The following FBXO16 variants were observed in gnomAD, a reference collection of about 807,000 sequenced individuals.
FBXO16 encodes the protein F-box only protein 16.
Under a neutral mutation model 41.0 loss-of-function variants are expected in FBXO16, and 31 were observed. That is an observed-to-expected ratio of 0.76 (90% CI 0.57 to 1.02). The LOEUF is 1.02. FBXO16 is among the 50% of genes least tolerant of loss of function. The pLI is 0.00. For synonymous variants in FBXO16, 133 were observed against 117.8 expected, an observed-to-expected ratio of 1.13 and a Z score of -0.84; for missense variants, 361 against 346.2, an observed-to-expected ratio of 1.04 and a Z score of -0.34.
At chr8:28,441,245 C>G (rs1383017861) in intron 7 of FBXO16, among the ~76,000 whole-genome samples, 2 of 152,158 alleles carry the variant, frequency 1.3e-5, no homozygotes, top group Non-Finnish European at 2.9e-5. Context: ...TCCTCCACCT[C>G]TTCCCTTCCA....
At chr8:28,469,833 G>A (rs1322519524) in intron 3 of FBXO16, among the ~76,000 whole-genome samples, 1 of 152,018 alleles carries the variant, frequency 6.6e-6, no homozygotes, top group African/African-American at 2.4e-5. Context: ...CCCAGGAGGC[G>A]GAGGTTGCAG....
intron 3 of FBXO16, among the ~76,000 whole-genome samples, chr8:28,469,466 G>A (rs1339641090): frequency 6.6e-6 from 1 of 152,124 alleles, no homozygotes; most frequent in Non-Finnish European, 1.5e-5. Context: ...GGATTAGCTG[G>A]GACTTGAGGC....
chr8:28,452,446 C>T lies in FBXO16; in HGVS notation c.538G>A (p.Asp180Asn), dbSNP rs773801245. ...GAATTGCTTGTAACTAGTTGAACGT[C>T]AGCGATTACAAATCCATCCTTTGGG... ...TPPKDGFVIA[D>N]VQLVTSNSPE... is the part of the protein sequence containing the mutation. The change falls in exon 6 of 9, where the codon GAC becomes AAC. Residue 180 changes from aspartate (D) to asparagine (N), a missense_variant. Transcript: ENST00000380254. 3.1e-6 allele frequency: 5 copies of T among 1,614,076 alleles called. No individual in the cohort carries two copies. In the South Asian group the frequency reaches 4.4e-5, roughly 14 times the overall value.
chr8:28,438,176 C>T (rs1282466144), intron 7 of FBXO16, among the ~76,000 whole-genome samples: 1 of 151,830 alleles, frequency 6.6e-6, no homozygotes, highest in African/African-American at 2.4e-5. Context: ...ATTAGCCAGG[C>T]GTGGTGGTAC....
chr8:28,462,098 C>T (rs1278408385), intron 4 of FBXO16, among the ~76,000 whole-genome samples: 1 of 151,862 alleles, frequency 6.6e-6, no homozygotes, highest in East Asian at 1.9e-4. Context: ...CGTCACCACA[C>T]CCACCTAATT....
chr8:28,453,889 C>T (rs548367305), intron 5 of FBXO16, among the ~76,000 whole-genome samples: 22 of 152,064 alleles, frequency 1.4e-4, no homozygotes, highest in Admixed American at 6.5e-4. Context: ...TCAGGCCAGG[C>T]GTGGTGGCTC....
chr8:28,449,680 A>G (rs890728925), intron 6 of FBXO16, among the ~76,000 whole-genome samples: 2 of 151,878 alleles, frequency 1.3e-5, no homozygotes, highest in African/African-American at 4.8e-5. Flanking sequence ...CCCAATAAAG[A>G]AGGGTGATAC....
In FBXO16 at chr8:28,432,701, T is replaced by C. The variant is rs559061717; in HGVS notation, c.844-3298A>G. 1.1e-4 allele frequency among the ~76,000 whole-genome samples: 16 copies of C among 152,274 alleles called. No individual in the cohort carries two copies. In the East Asian group the frequency reaches 3.1e-3, roughly 29 times the overall value. On this transcript the variant is annotated intron_variant, in intron 7 of 8. Coordinates refer to ENST00000380254, the MANE Select transcript of FBXO16 (RefSeq NM_172366.4). ...CTGCAGCTGTCTGCTTTCTGGTAGGTGGACGTTGCCAATGGCCATGCCGTC... is the reference window on the plus strand; with the variant it reads ...CTGCAGCTGTCTGCTTTCTGGTAGGCGGACGTTGCCAATGGCCATGCCGTC...
intron 7 of FBXO16, among the ~76,000 whole-genome samples, chr8:28,444,481 CTTTT>C: frequency 9.4e-6 from 1 of 106,764 alleles, no homozygotes; most frequent in South Asian, 2.9e-4. Flanking sequence ...TTTTTCTTTT[CTTTT>C]TTTTTTTTTT....
intron 4 of FBXO16, 97 bp downstream of exon 4, chr8:28,463,515 T>C (rs934894943): frequency 1.8e-6 from 2 of 1,137,076 alleles, no homozygotes; most frequent in Non-Finnish European, 2.5e-6. Flanking sequence ...TATGTGTGTG[T>C]GTGTATGCCT....
intron 4 of FBXO16, among the ~76,000 whole-genome samples, chr8:28,460,342 C>G (rs531707976): frequency 0.043 from 5,390 of 124,410 alleles, 135 homozygotes; most frequent in African/African-American, 0.072. Context: ...TTCAACCCCC[C>G]AGCCTTAAGC....
chr8:28,451,125 A>C (rs1802945503), intron 6 of FBXO16, among the ~76,000 whole-genome samples: 1 of 152,162 alleles, frequency 6.6e-6, no homozygotes, highest in African/African-American at 2.4e-5. Flanking sequence ...TCTTTCAAGT[A>C]CAATATTTTA....
intron 2 of FBXO16, among the ~76,000 whole-genome samples, chr8:28,474,729 T>C (rs1222350112): frequency 6.6e-6 from 1 of 152,216 alleles, no homozygotes; most frequent in Non-Finnish European, 1.5e-5. Context: ...TTACAATATA[T>C]TATTTAGGAC....
intron 3 of FBXO16, among the ~76,000 whole-genome samples, chr8:28,468,102 C>G (rs1803273956): frequency 6.6e-6 from 1 of 152,144 alleles, no homozygotes; most frequent in African/African-American, 2.4e-5. Flanking sequence ...ATTCAGTTAT[C>G]CCCCACGTCT....
intron 7 of FBXO16, among the ~76,000 whole-genome samples, chr8:28,432,654 T>C (rs1020916537): frequency 2.6e-5 from 4 of 152,214 alleles, no homozygotes; most frequent in Admixed American, 1.3e-4. Flanking sequence ...AATGACCCTT[T>C]ACGAATGTGC....
In FBXO16 at chr8:28,439,105, A is replaced by G. The variant is rs113664995; in HGVS notation, c.843+8066T>C. Among the ~76,000 whole-genome samples the G allele has an allele frequency of 2.2e-3, 333 of 151,646 alleles. 3 individuals are homozygous for G. The highest frequency in any genetic ancestry group is 7.4e-3 in the African/African-American group (306 of 41,322). On this transcript the variant is annotated intron_variant, in intron 7 of 8. Coordinates refer to ENST00000380254, the MANE Select transcript of FBXO16 (RefSeq NM_172366.4). ...GTGAGAACCTGTCTCAAAAAAAAAA[A>G]AAAAGAAAAGAAAAGAAAAGAAAAT...
chr8:28,462,573 C>T (rs377498329), intron 4 of FBXO16, among the ~76,000 whole-genome samples: 20 of 152,294 alleles, frequency 1.3e-4, no homozygotes, highest in South Asian at 1.2e-3. Flanking sequence ...CCACCGCGCC[C>T]GGCCCCGCAT....
intron 7 of FBXO16, among the ~76,000 whole-genome samples, chr8:28,437,317 A>C (rs1340858703): frequency 6.6e-6 from 1 of 152,232 alleles, no homozygotes; most frequent in Non-Finnish European, 1.5e-5. Context: ...TAGCCTGATG[A>C]AACAAGAGGC....
chr8:28,480,714 A>G (rs1366084645), intron 2 of FBXO16, among the ~76,000 whole-genome samples: 1 of 152,138 alleles, frequency 6.6e-6, no homozygotes, highest in African/African-American at 2.4e-5. Flanking sequence ...CATGTTGGCC[A>G]GGCTGGTCTT....
Sources: gnomAD v4.1 joint callset for allele counts (sites outside exome capture counted in the v4.1 genomes callset) on GRCh38, gnomAD v4.1.1 for gene constraint, MANE v1.5 for transcripts, NCBI Gene and HGNC (gene_info 2026-07-23, HGNC 2026-07-21) for gene names.